Variants in SNTB1 observed in about 807,000 individuals in gnomAD.
SNTB1 encodes beta-1-syntrophin.
In SNTB1, 36 loss-of-function variants were observed where a neutral mutation model predicts 48.9. The ratio of observed to expected loss-of-function variants is 0.74; its 90% CI spans 0.56 to 0.97. The LOEUF (loss-of-function observed/expected upper bound fraction) is 0.97. Ranked by LOEUF, SNTB1 falls within the 50% of genes least tolerant of loss-of-function variation. SNTB1 has a pLI of 0.00. For missense variants in SNTB1, 786 were observed against 703.4 expected, an observed-to-expected ratio of 1.12 and a Z score of -1.33; for synonymous variants, 299 against 294.6, an observed-to-expected ratio of 1.01 and a Z score of -0.15.
At chr8:120,623,655 G>C (rs1289685386) in intron 3 of SNTB1, among the ~76,000 whole-genome samples, 1 of 152,214 alleles carries the variant, frequency 6.6e-6, no homozygotes, top group East Asian at 1.9e-4. Context: ...GTGCTGAGTA[G>C]AGTGCGTTCA....
chr8:120,804,080 T>C (rs1820282212), intron 1 of SNTB1, among the ~76,000 whole-genome samples: 1 of 152,154 alleles, frequency 6.6e-6, no homozygotes, highest in South Asian at 2.1e-4. Flanking sequence ...CATTATACCA[T>C]GTCTAATGTT....
intron 4 of SNTB1, among the ~76,000 whole-genome samples, chr8:120,568,537 A>G (rs772327328): frequency 6.6e-6 from 1 of 152,194 alleles, no homozygotes. Context: ...ATGGCATTCC[A>G]GTGAGTGTTT....
At chr8:120,713,609 A>C (rs750799283) in intron 1 of SNTB1, among the ~76,000 whole-genome samples, 1 of 152,206 alleles carries the variant, frequency 6.6e-6, no homozygotes, top group Non-Finnish European at 1.5e-5. Context: ...ATGTGCCTGT[A>C]GTCCCAGCTA....
chr8:120,775,043 A>G (rs1819707873), intron 1 of SNTB1, among the ~76,000 whole-genome samples: 1 of 152,204 alleles, frequency 6.6e-6, no homozygotes, highest in Non-Finnish European at 1.5e-5. Context: ...AGGCGGCTCA[A>G]AGAATTTAGA....
chr8:120,724,457 T>C (rs1257615115), intron 1 of SNTB1, among the ~76,000 whole-genome samples: 1 of 152,176 alleles, frequency 6.6e-6, no homozygotes, highest in Non-Finnish European at 1.5e-5. Context: ...CACACCACAT[T>C]ACTGCTTTCA....
chr8:120,605,726 G>T (rs1208483057), intron 3 of SNTB1, among the ~76,000 whole-genome samples: 1 of 152,156 alleles, frequency 6.6e-6, no homozygotes, highest in Non-Finnish European at 1.5e-5. Flanking sequence ...CAAAGCCCCA[G>T]TGTAATATTA....
At chr8:120,645,595 T>C (rs1206198364) in intron 2 of SNTB1, among the ~76,000 whole-genome samples, 1 of 142,162 alleles carries the variant, frequency 7.0e-6, no homozygotes, top group East Asian at 2.0e-4. Flanking sequence ...AGTCAGGTAG[T>C]GTGATGCCTC....
chr8:120,737,240 T>C (rs1407072199), intron 1 of SNTB1, among the ~76,000 whole-genome samples: 1 of 152,206 alleles, frequency 6.6e-6, no homozygotes, highest in African/African-American at 2.4e-5. Context: ...AAGGTAGGTA[T>C]GTATTACCTT....
intron 2 of SNTB1, among the ~76,000 whole-genome samples, chr8:120,671,841 C>T: frequency 6.6e-6 from 1 of 152,140 alleles, no homozygotes; most frequent in African/African-American, 2.4e-5. Flanking sequence ...ACCAAGTGGC[C>T]TGGATGTAGG....
intron 1 of SNTB1, among the ~76,000 whole-genome samples, chr8:120,696,670 G>T (rs143833257): frequency 6.6e-6 from 1 of 152,242 alleles, no homozygotes; most frequent in East Asian, 1.9e-4. Flanking sequence ...GCCTTGTAGG[G>T]CTATTCTTAT....
At chr8:120,606,230 A>C (rs1369525842) in intron 3 of SNTB1, among the ~76,000 whole-genome samples, 3 of 147,328 alleles carry the variant, frequency 2.0e-5, no homozygotes, top group African/African-American at 7.4e-5. Context: ...ATATAATATA[A>C]TTATATATAA....
In SNTB1 at chr8:120,685,746, G is replaced by T. The variant is rs181094677; in HGVS notation, c.788+7946C>A. ...GGCTGGGAATTTTCCAGATCTTTAA[G>T]TGTTGCATCTCTTTTGATTATACAT... On this transcript the variant is annotated intron_variant, in intron 2 of 6. Coordinates refer to ENST00000517992, the MANE Select transcript of SNTB1 (RefSeq NM_021021.4). Among the ~76,000 whole-genome samples the T allele has an allele frequency of 4.4e-4, 67 of 152,220 alleles. No homozygotes were observed. The East Asian group carries it at 0.011, about 25-fold the overall frequency.
intron 1 of SNTB1, among the ~76,000 whole-genome samples, chr8:120,771,367 T>G (rs1278532985): frequency 1.3e-5 from 2 of 152,196 alleles, no homozygotes; most frequent in Non-Finnish European, 2.9e-5. Context: ...ATAATTATTC[T>G]GAAGAAAAAT....
intron 4 of SNTB1, among the ~76,000 whole-genome samples, chr8:120,551,861 A>G (rs998543196): frequency 6.6e-6 from 1 of 152,200 alleles, no homozygotes; most frequent in Non-Finnish European, 1.5e-5. Context: ...CATTTTAAAA[A>G]TATAATACCT....
At chr8:120,797,026 A>G (rs957479769) in intron 1 of SNTB1, among the ~76,000 whole-genome samples, 4 of 152,192 alleles carry the variant, frequency 2.6e-5, no homozygotes, top group African/African-American at 9.6e-5. Flanking sequence ...CCATTTTCTA[A>G]GATTCCTTCT....
intron 3 of SNTB1, among the ~76,000 whole-genome samples, chr8:120,627,771 T>C (rs1447382475): frequency 3.3e-5 from 5 of 152,290 alleles, no homozygotes; most frequent in African/African-American, 1.2e-4. Context: ...CTAGATGGGA[T>C]TGTTGGAGGC....
chr8:120,808,684 G>A (rs1464226999), intron 1 of SNTB1, among the ~76,000 whole-genome samples: 2 of 152,152 alleles, frequency 1.3e-5, no homozygotes, highest in East Asian at 1.9e-4. Context: ...GAGACTCAGG[G>A]AGGTTATGTT....
intron 1 of SNTB1, among the ~76,000 whole-genome samples, 198 bp downstream of exon 1, chr8:120,811,075 C>A (rs1361594720): frequency 6.6e-6 from 1 of 152,142 alleles, no homozygotes; most frequent in Non-Finnish European, 1.5e-5. Flanking sequence ...GACAAATTGC[C>A]CCCAGGGTGG....
chr8:120,679,275 A>G (rs1587083646), intron 2 of SNTB1, among the ~76,000 whole-genome samples: 1 of 152,218 alleles, frequency 6.6e-6, no homozygotes, highest in East Asian at 1.9e-4. Flanking sequence ...CAAATACAAA[A>G]GAAAAACCAT....
Sources: gnomAD v4.1 joint callset for allele counts (sites outside exome capture counted in the v4.1 genomes callset) on GRCh38, gnomAD v4.1.1 for gene constraint, MANE v1.5 for transcripts, NCBI Gene and HGNC (gene_info 2026-07-23, HGNC 2026-07-21) for gene names.